The following OCM variants were observed in gnomAD, a reference collection of about 807,000 sequenced individuals.
The protein encoded by OCM is oncomodulin-1.
A neutral mutation model predicts 14.1 loss-of-function variants in OCM; 18 were observed. The observed-to-expected ratio is 1.28, with a 90% confidence interval of 0.88 to 1.89. OCM has a LOEUF of 1.89. Ranked by LOEUF, OCM falls within the 40% of genes most tolerant of loss-of-function variation. The pLI is 0.00. For synonymous variants in OCM, 48 were observed against 51.0 expected (o/e 0.94, Z 0.25); for missense variants, 140 against 137.6 (o/e 1.02, Z -0.09).
At chr7:5,878,308 G>T (rs937153172), upstream of OCM, among the ~76,000 whole-genome samples, 1 of 152,064 alleles carries the variant, frequency 6.6e-6, no homozygotes, top group Admixed American at 6.6e-5. Context: ...TGCTTACCAG[G>T]AGCTGGACTA....
At chr7:5,876,235 C>G (rs569403399), upstream of OCM, among the ~76,000 whole-genome samples, 1 of 152,166 alleles carries the variant, frequency 6.6e-6, no homozygotes, top group Non-Finnish European at 1.5e-5. Context: ...AACTCCTGAC[C>G]TCAGGTAATC....
At chr7:5,884,268 C>A (rs1781288543) in intron 3 of OCM, among the ~76,000 whole-genome samples, 2 of 152,146 alleles carry the variant, frequency 1.3e-5, no homozygotes, top group Non-Finnish European at 2.9e-5. Flanking sequence ...GACTAGGGGA[C>A]TAGCTAGCCA....
the OCM span, among the ~76,000 whole-genome samples, chr7:5,866,865 C>T: frequency 6.6e-6 from 1 of 152,114 alleles, no homozygotes; most frequent in African/African-American, 2.4e-5. Flanking sequence ...CCCGCTCCCA[C>T]AATTGTGTAA....
the OCM span, among the ~76,000 whole-genome samples, chr7:5,867,882 G>A: frequency 2.0e-5 from 3 of 151,632 alleles, no homozygotes; most frequent in Non-Finnish European, 4.4e-5. Context: ...CCCGGTAGCT[G>A]GGACCACCAC....
chr7:5,869,044 C>G, the OCM span, among the ~76,000 whole-genome samples: 1 of 152,076 alleles, frequency 6.6e-6, no homozygotes, highest in Non-Finnish European at 1.5e-5. Context: ...GCCTGGGCAA[C>G]AGAGTGAGAC....
the OCM span, among the ~76,000 whole-genome samples, chr7:5,868,242 G>A: frequency 6.6e-6 from 1 of 152,012 alleles, no homozygotes; most frequent in African/African-American, 2.4e-5. Flanking sequence ...AACCACCTGG[G>A]CTCAAGCGAT....
upstream of OCM, chr7:5,880,091 G>A (rs1781178167): frequency 6.6e-6 from 1 of 152,154 alleles, no homozygotes; most frequent in South Asian, 2.1e-4. Context: ...TCTGGGAGAT[G>A]GGCTTTTCAT....
At chr7:5,872,617 C>G in the OCM span, among the ~76,000 whole-genome samples, 2 of 152,092 alleles carry the variant, frequency 1.3e-5, no homozygotes, top group Middle Eastern at 3.4e-3. Flanking sequence ...AATGAAAGAC[C>G]GAAGATAAAA....
chr7:5,861,708 G>A, the OCM span, among the ~76,000 whole-genome samples: 1 of 151,994 alleles, frequency 6.6e-6, no homozygotes, highest in African/African-American at 2.4e-5. Context: ...AATGTGTATT[G>A]GCATCTCATT....
In OCM at chr7:5,885,206, T is replaced by A. The variant is rs183681764; in HGVS notation, c.305-858T>A. Among the ~76,000 whole-genome samples, 156 of 152,270 alleles carry A rather than the reference T, an allele frequency of 1.0e-3. 1 individual carries two copies. In the East Asian group the frequency reaches 0.029, roughly 28 times the overall value. Reference sequence around the variant, plus strand: ...TATAAAGCAAGTCCCCAGTTTTTTATATCAATCTGTAACATCCATACCTTG... The same window carrying A: ...TATAAAGCAAGTCCCCAGTTTTTTAAATCAATCTGTAACATCCATACCTTG... On this transcript the variant is annotated intron_variant, in intron 3 of 3. Coordinates refer to ENST00000242104, the MANE Select transcript of OCM (RefSeq NM_001097622.2).
At chr7:5,865,105 G>T in the OCM span, among the ~76,000 whole-genome samples, 1 of 151,872 alleles carries the variant, frequency 6.6e-6, no homozygotes, top group East Asian at 1.9e-4. Context: ...TTGTCATCAT[G>T]ACCCAGTCAC....
chr7:5,871,073 G>T, the OCM span, among the ~76,000 whole-genome samples: 1 of 152,016 alleles, frequency 6.6e-6, no homozygotes, highest in East Asian at 1.9e-4. Flanking sequence ...AAAGCCAGGC[G>T]CAGTGGCTCA....
chr7:5,882,418 G>C lies in OCM; in HGVS notation c.62-75G>C, dbSNP rs1487385708. ...ATTGTTGAAGTGTTTTTAATTATCT[G>C]TGTTTTTAGTACCTTGGCCCCAACA... On this transcript the variant is annotated intron_variant, in intron 1 of 3. Transcript: ENST00000242104. The C allele has an allele frequency of 2.4e-5, 37 of 1,515,256 alleles. No individual in the cohort carries two copies. In the East Asian group the frequency reaches 7.7e-4, roughly 31 times the overall value. The allele number at this position is 1,515,256 out of a possible 1,614,324, so 93.9% of individuals were successfully genotyped here.
the OCM span, among the ~76,000 whole-genome samples, chr7:5,874,387 A>T: frequency 6.6e-6 from 1 of 152,128 alleles, no homozygotes; most frequent in East Asian, 1.9e-4. Flanking sequence ...TATACATTAC[A>T]TTACATAAAT....
intron 3 of OCM, among the ~76,000 whole-genome samples, chr7:5,884,386 T>G (rs1781290817): frequency 6.6e-6 from 1 of 152,170 alleles, no homozygotes. Context: ...ATTTACATCC[T>G]CAGACCAGGG....
intron 2 of OCM, among the ~76,000 whole-genome samples, chr7:5,882,958 TCA>T (rs1486969839): frequency 6.6e-6 from 1 of 150,714 alleles, no homozygotes. Context: ...TTCTCATGCC[TCA>T]GTCTCCCAAG....
At chr7:5,886,028 C>T (rs778635758) in intron 3 of OCM, 36 bp from the exon 4 acceptor site, 3 of 1,614,028 alleles carry the variant, frequency 1.9e-6, no homozygotes, top group South Asian at 2.2e-5. Context: ...AACCAAGCCA[C>T]CTCCACTGAC....
At chr7:5,877,190 C>T (rs1781111591), upstream of OCM, among the ~76,000 whole-genome samples, 1 of 152,012 alleles carries the variant, frequency 6.6e-6, no homozygotes, top group Non-Finnish European at 1.5e-5. Flanking sequence ...TGAGGCTGGG[C>T]ACAGTGGCTC....
the OCM span, among the ~76,000 whole-genome samples, chr7:5,871,120 G>A: frequency 2.6e-5 from 4 of 152,022 alleles, no homozygotes; most frequent in Non-Finnish European, 4.4e-5. Flanking sequence ...GCCAAAGCGG[G>A]AGGATGGCTT....
Sources: allele counts gnomAD v4.1 joint callset (sites outside exome capture counted in the v4.1 genomes callset), GRCh38; gene constraint gnomAD v4.1.1; transcripts MANE v1.5; gene names NCBI Gene and HGNC (gene_info 2026-07-23, HGNC 2026-07-21).